Variants in IQUB observed in about 807,000 individuals in gnomAD.
IQUB encodes IQ motif and ubiquitin domain containing.
In IQUB, 86 loss-of-function variants were observed where a neutral mutation model predicts 86.4. The ratio of observed to expected loss-of-function variants is 1.00; its 90% CI spans 0.84 to 1.19. IQUB has a LOEUF of 1.19. Among genes scored for constraint, IQUB ranks in the 50% most tolerant of loss-of-function variants. The pLI is 0.00. For synonymous variants in IQUB, 289 were observed against 304.5 expected (o/e 0.95, Z 0.53); for missense variants, 946 against 916.9 (o/e 1.03, Z -0.41).
chr7:123,469,503 A>C, intron 8 of IQUB, 119 bp from the exon 9 acceptor site: 1 of 482,584 alleles, frequency 2.1e-6, no homozygotes, highest in Non-Finnish European at 3.5e-6. Flanking sequence ...AGTATTGCTA[A>C]AGCTTATGAA....
chr7:123,515,462 A>G (rs1036254330), intron 1 of IQUB, among the ~76,000 whole-genome samples: 1 of 152,194 alleles, frequency 6.6e-6, no homozygotes, highest in African/African-American at 2.4e-5. Flanking sequence ...TTAAACAGAC[A>G]CTTCACCAAA....
chr7:123,488,731 G>T (rs1243310174), intron 7 of IQUB, among the ~76,000 whole-genome samples: 1 of 152,102 alleles, frequency 6.6e-6, no homozygotes, highest in African/African-American at 2.4e-5. Context: ...CCCAAGCCTT[G>T]CAAGAATTCC....
At chr7:123,455,909 G>GA in intron 12 of IQUB, among the ~76,000 whole-genome samples, 1 of 152,168 alleles carries the variant, frequency 6.6e-6, no homozygotes, top group Non-Finnish European at 1.5e-5. Context: ...TCACATTAAC[G>GA]AAAGTGTTTT....
intron 1 of IQUB, among the ~76,000 whole-genome samples, chr7:123,531,656 T>A (rs1797542268): frequency 6.6e-6 from 1 of 152,230 alleles, no homozygotes; most frequent in Non-Finnish European, 1.5e-5. Context: ...TACTGTATAT[T>A]CTCATTTTGA....
At chr7:123,462,550 G>T in intron 10 of IQUB, 1 of 208,962 alleles carries the variant, frequency 4.8e-6, no homozygotes, top group Admixed American at 5.1e-5. Flanking sequence ...TGTAATTTTG[G>T]GAGATAAGAA....
chr7:123,479,992 C>T (rs1179503526), intron 7 of IQUB, 22 bp from the exon 8 acceptor site: 2 of 1,559,874 alleles, frequency 1.3e-6, no homozygotes, highest in African/African-American at 1.4e-5. Context: ...ACACAATAGA[C>T]TCTTGAGTTT....
intron 11 of IQUB, among the ~76,000 whole-genome samples, chr7:123,459,249 G>A (rs909607485): frequency 6.6e-6 from 1 of 151,944 alleles, no homozygotes; most frequent in African/African-American, 2.4e-5. Context: ...CATTCAATAT[G>A]TGTAATGGTT....
chr7:123,525,623 T>A (rs191949212), intron 1 of IQUB, among the ~76,000 whole-genome samples: 7,833 of 152,288 alleles, frequency 0.051, 293 homozygotes, highest in Non-Finnish European at 0.078. Context: ...TAGCGGTCTA[T>A]CAATTTTGTT....
intron 12 of IQUB, among the ~76,000 whole-genome samples, chr7:123,453,679 T>C (rs1295832499): frequency 6.6e-6 from 1 of 152,026 alleles, no homozygotes; most frequent in East Asian, 1.9e-4. Flanking sequence ...GGAGCCACCA[T>C]ACTAGCCCCA....
intron 1 of IQUB, among the ~76,000 whole-genome samples, chr7:123,528,541 T>G (rs1008517844): frequency 1.3e-5 from 2 of 152,162 alleles, no homozygotes; most frequent in African/African-American, 4.8e-5. Context: ...CCAGAACCCA[T>G]GCCCTTAACC....
rs1162172987 is a variant in IQUB at position 123,502,827 on chromosome 7, GTTCA to G, written c.868-79_868-76del. On this transcript the variant is annotated intron_variant, in intron 5 of 12. Transcript: ENST00000324698. ...TAAGGGAGTTTTTCTACATATGTGA[GTTCA>G]TTTTCTTTTATTAATTGCCATATAA... The G allele has an allele frequency of 2.9e-6, 4 of 1,372,174 alleles. No homozygotes were observed. The Admixed American group carries it at 6.9e-5, about 24-fold the overall frequency. 85.0% of individuals were successfully genotyped at this position (1,372,174 alleles called of 1,614,324 possible).
chr7:123,496,644 C>A, intron 7 of IQUB, 52 bp downstream of exon 7: 1 of 1,081,286 alleles, frequency 9.2e-7, no homozygotes, highest in East Asian at 2.6e-5. Context: ...TCTGTTTTTC[C>A]TATTAATGAA....
At chr7:123,508,459 C>T (rs889790123) in intron 3 of IQUB, among the ~76,000 whole-genome samples, 9 of 152,208 alleles carry the variant, frequency 5.9e-5, no homozygotes, top group African/African-American at 1.7e-4. Flanking sequence ...CTGTAATAGG[C>T]TTAATCCCAC....
intron 10 of IQUB, among the ~76,000 whole-genome samples, chr7:123,463,808 G>A (rs1376348315): frequency 6.6e-6 from 1 of 151,702 alleles, no homozygotes; most frequent in Non-Finnish European, 1.5e-5. Flanking sequence ...ATAACATTAT[G>A]TAAAATTGTA....
At chr7:123,514,483 C>A (rs1796557899) in intron 1 of IQUB, among the ~76,000 whole-genome samples, 1 of 151,938 alleles carries the variant, frequency 6.6e-6, no homozygotes. Context: ...TAAATCCAAA[C>A]AAATACTGTT....
Position 123,462,694 on chromosome 7 carries a change from A to AATG in IQUB, c.1759-1092_1759-1090dup, listed in dbSNP as rs1010675969. 5.4e-5 allele frequency: 17 copies of AATG among 315,972 alleles called. 1 individual carries two copies. In the Admixed American group the frequency reaches 5.8e-4, roughly 11 times the overall value. 19.6% of individuals were successfully genotyped at this position (315,972 alleles called of 1,614,324 possible). ...AGATTTACACATTTTGTTTATCTTG[A>AATG]ATGATTATTTTATCTTCATGCCTCC... is the stretch of plus-strand genomic sequence containing the variant. On this transcript the variant is annotated intron_variant, in intron 10 of 12. Coordinates refer to ENST00000324698, the MANE Select transcript of IQUB (RefSeq NM_178827.5).
chr7:123,520,134 C>T (rs889264729), intron 1 of IQUB, among the ~76,000 whole-genome samples: 4 of 152,046 alleles, frequency 2.6e-5, no homozygotes, highest in Admixed American at 6.5e-5. Flanking sequence ...TTATTGGACA[C>T]ACGTGATTAT....
chr7:123,532,811 C>T (rs1309926429), intron 1 of IQUB: 1 of 152,274 alleles, frequency 6.6e-6, no homozygotes, highest in Non-Finnish European at 1.5e-5. Context: ...CAGCCTGCCC[C>T]TCTGGGGCCT....
At chr7:123,464,335 C>T (rs986182813) in intron 10 of IQUB, among the ~76,000 whole-genome samples, 14 of 151,738 alleles carry the variant, frequency 9.2e-5, no homozygotes, top group Non-Finnish European at 1.9e-4. Flanking sequence ...TCCATATGGA[C>T]CTGTTCAGTA....
Sources: allele counts gnomAD v4.1 joint callset (sites outside exome capture counted in the v4.1 genomes callset), GRCh38; gene constraint gnomAD v4.1.1; transcripts MANE v1.5; gene names NCBI Gene and HGNC (gene_info 2026-07-23, HGNC 2026-07-21).